The following KCNQ3 variants were observed in gnomAD, a reference collection of about 807,000 sequenced individuals.
The protein encoded by KCNQ3 is potassium voltage-gated channel subfamily KQT member 3.
Under a neutral mutation model 92.5 loss-of-function variants are expected in KCNQ3, and 30 were observed. The observed-to-expected ratio is 0.32, with a 90% CI of 0.24 to 0.44. KCNQ3 has a LOEUF of 0.44. KCNQ3 is among the 20% of genes least tolerant of loss of function. The probability of loss-of-function intolerance (pLI) is 1.00; values close to 1 mark genes in which losing one functional copy is unlikely to be tolerated. For synonymous variants in KCNQ3, 450 were observed against 468.8 expected, an observed-to-expected ratio of 0.96 and a Z score of 0.52; for missense variants, 913 against 1,140.3, an observed-to-expected ratio of 0.80 and a Z score of 2.87.
chr8:132,188,246 AT>A lies in KCNQ3; in HGVS notation c.387-2066del, dbSNP rs1437004931. On this transcript the variant is annotated intron_variant, in intron 1 of 14. Transcript: ENST00000388996. ...ATGATTCTGAAGACTTCAGGAAATA[AT>A]TGATAAAGGATATTGTTGAGTCAAT... 4.6e-5 allele frequency among the ~76,000 whole-genome samples: 7 copies of A among 152,300 alleles called. No homozygotes were observed. The East Asian group carries it at 1.2e-3, about 25-fold the overall frequency.
At chr8:132,139,642 A>ATAAT (rs1431631431) in intron 11 of KCNQ3, among the ~76,000 whole-genome samples, 1 of 152,202 alleles carries the variant, frequency 6.6e-6, no homozygotes, top group African/African-American at 2.4e-5. Context: ...AAAAAATACT[A>ATAAT]TAATTTATTA....
chr8:132,242,715 AT>A (rs1224556719), intron 1 of KCNQ3, among the ~76,000 whole-genome samples: 1 of 152,234 alleles, frequency 6.6e-6, no homozygotes, highest in Non-Finnish European at 1.5e-5. Context: ...CCAAATGAAT[AT>A]TTATCGAATG....
chr8:132,245,398 A>C (rs1035863331), intron 1 of KCNQ3, among the ~76,000 whole-genome samples: 1 of 152,182 alleles, frequency 6.6e-6, no homozygotes, highest in Non-Finnish European at 1.5e-5. Flanking sequence ...GCTCTCTTAC[A>C]GGAAACCTTC....
At chr8:132,376,916 G>T (rs949153987) in intron 1 of KCNQ3, among the ~76,000 whole-genome samples, 1 of 152,168 alleles carries the variant, frequency 6.6e-6, no homozygotes, top group African/African-American at 2.4e-5. Flanking sequence ...CCAAATAATT[G>T]GAAGGAGTGG....
chr8:132,401,637 G>C (rs886966984), intron 1 of KCNQ3, among the ~76,000 whole-genome samples: 3 of 152,196 alleles, frequency 2.0e-5, no homozygotes, highest in Non-Finnish European at 4.4e-5. Context: ...GCCTCCCAAA[G>C]TTCTGGGATT....
At chr8:132,221,457 T>C (rs980820131) in intron 1 of KCNQ3, among the ~76,000 whole-genome samples, 18 of 152,260 alleles carry the variant, frequency 1.2e-4, no homozygotes, top group Admixed American at 3.9e-4. Context: ...TCCTATTTCT[T>C]CACATCCTCT....
At chr8:132,454,783 A>G (rs531956322) in intron 1 of KCNQ3, among the ~76,000 whole-genome samples, 1 of 152,344 alleles carries the variant, frequency 6.6e-6, no homozygotes, top group East Asian at 1.9e-4. Flanking sequence ...GTGGAAATGA[A>G]GAAACCCAAG....
intron 1 of KCNQ3, among the ~76,000 whole-genome samples, chr8:132,394,709 TC>T (rs940908508): frequency 6.6e-6 from 1 of 152,084 alleles, no homozygotes; most frequent in East Asian, 1.9e-4. Flanking sequence ...TTCAAGGACT[TC>T]CCAGATCATG....
intron 2 of KCNQ3, among the ~76,000 whole-genome samples, chr8:132,184,631 T>A (rs535778761): frequency 6.6e-6 from 1 of 152,292 alleles, no homozygotes; most frequent in East Asian, 1.9e-4. Flanking sequence ...GATTACTCGT[T>A]CTTTTTTCTA....
At chr8:132,299,907 G>A (rs1340158496) in intron 1 of KCNQ3, among the ~76,000 whole-genome samples, 2 of 152,248 alleles carry the variant, frequency 1.3e-5, no homozygotes, top group African/African-American at 4.8e-5. Context: ...CAGAAACCAA[G>A]TTGGCTTCTA....
chr8:132,356,483 T>A (rs1213211116), intron 1 of KCNQ3, among the ~76,000 whole-genome samples: 1 of 152,150 alleles, frequency 6.6e-6, no homozygotes, highest in Non-Finnish European at 1.5e-5. Flanking sequence ...ACCTCAAGCC[T>A]CCACAGAGTG....
intron 1 of KCNQ3, among the ~76,000 whole-genome samples, chr8:132,377,790 G>T (rs754220009): frequency 6.6e-6 from 1 of 152,122 alleles, no homozygotes; most frequent in East Asian, 1.9e-4. Context: ...CTCTGATTCC[G>T]TTTTCTCATC....
rs116743957 is a variant in KCNQ3 at position 132,418,380 on chromosome 8, G to A, written c.386+61767C>T. 5.4e-3 allele frequency among the ~76,000 whole-genome samples: 822 copies of A among 152,250 alleles called. 8 individuals are homozygous for A. Among genetic ancestry groups the A allele is most frequent in the African/African-American group, 0.019 (791 of 41,538 alleles). ...GGCAGGAGAGCAGAAAAAAGCAGGC[G>A]AGGGAGGGAGGAGCTCTGGGTCTCA... On this transcript the variant is annotated intron_variant, in intron 1 of 14. Coordinates refer to ENST00000388996, the MANE Select transcript of KCNQ3 (RefSeq NM_004519.4).
chr8:132,138,432 G>T (rs1825176456), intron 11 of KCNQ3, among the ~76,000 whole-genome samples: 1 of 152,200 alleles, frequency 6.6e-6, no homozygotes. Context: ...CAGACAGGGT[G>T]CTGACAAGGC....
At chr8:132,206,457 T>C (rs1813662276) in intron 1 of KCNQ3, among the ~76,000 whole-genome samples, 1 of 152,214 alleles carries the variant, frequency 6.6e-6, no homozygotes, top group Non-Finnish European at 1.5e-5. Context: ...AATCTTTATA[T>C]TGAACTCAGA....
At chr8:132,194,923 C>T (rs918773836) in intron 1 of KCNQ3, among the ~76,000 whole-genome samples, 1 of 152,230 alleles carries the variant, frequency 6.6e-6, no homozygotes, top group African/African-American at 2.4e-5. Context: ...ACATCCTCCA[C>T]TGTGCCACTT....
intron 1 of KCNQ3, among the ~76,000 whole-genome samples, chr8:132,430,008 A>G (rs931432454): frequency 1.3e-5 from 2 of 152,126 alleles, no homozygotes; most frequent in Admixed American, 6.5e-5. Context: ...TCTCATTCTC[A>G]GACACCTACT....
intron 1 of KCNQ3, among the ~76,000 whole-genome samples, chr8:132,431,624 AC>A (rs67423372): frequency 0.21 from 31,363 of 152,202 alleles, 3,819 homozygotes; most frequent in Non-Finnish European, 0.27. Flanking sequence ...TATGGGTTGA[AC>A]TGTGGTTGGT....
At chr8:132,377,970 T>C (rs562059339) in intron 1 of KCNQ3, among the ~76,000 whole-genome samples, 1 of 152,142 alleles carries the variant, frequency 6.6e-6, no homozygotes, top group Non-Finnish European at 1.5e-5. Context: ...AACACAGTAA[T>C]CAACATATTC....
Sources: gnomAD v4.1 joint callset for allele counts (sites outside exome capture counted in the v4.1 genomes callset) on GRCh38, gnomAD v4.1.1 for gene constraint, MANE v1.5 for transcripts, NCBI Gene and HGNC (gene_info 2026-07-23, HGNC 2026-07-21) for gene names.